EDN1: variants seen among roughly 807,000 people sequenced by gnomAD.
The protein encoded by EDN1 is endothelin-1.
A neutral mutation model predicts 21.7 loss-of-function variants in EDN1; 11 were observed. That is an observed-to-expected ratio of 0.51 (90% CI 0.32 to 0.84). EDN1 has a LOEUF of 0.84. Ranked by LOEUF, EDN1 falls within the 40% of genes least tolerant of loss-of-function variation. The pLI, the probability that EDN1 is intolerant of heterozygous loss-of-function variation, is 0.03. For missense variants in EDN1, 244 were observed against 262.3 expected (o/e 0.93, Z 0.48); for synonymous variants, 85 against 90.6 (o/e 0.94, Z 0.35).
intron 1 of EDN1, among the ~76,000 whole-genome samples, chr6:12,291,193 A>G (rs1388265236): frequency 6.6e-6 from 1 of 151,616 alleles, no homozygotes; most frequent in African/African-American, 2.4e-5. Flanking sequence ...CTGCAGAGCA[A>G]AAGTCTGTTG....
the EDN1 span, among the ~76,000 whole-genome samples, chr6:12,268,674 G>A: frequency 6.6e-5 from 10 of 152,162 alleles, no homozygotes; most frequent in Non-Finnish European, 1.3e-4. Flanking sequence ...ATTGGTCTAT[G>A]TGTCTATTTT....
the EDN1 span, among the ~76,000 whole-genome samples, chr6:12,273,556 G>T: frequency 6.7e-6 from 1 of 149,366 alleles, no homozygotes; most frequent in Non-Finnish European, 1.5e-5. Flanking sequence ...CCTTTTAAAA[G>T]GATATATTTA....
chr6:12,281,679 G>T, the EDN1 span, among the ~76,000 whole-genome samples: 1 of 152,110 alleles, frequency 6.6e-6, no homozygotes, highest in Non-Finnish European at 1.5e-5. Flanking sequence ...TCATAATTTG[G>T]AGTTCTGGCT....
chr6:12,234,337 C>T, the EDN1 span, among the ~76,000 whole-genome samples: 1 of 152,228 alleles, frequency 6.6e-6, no homozygotes, highest in Non-Finnish European at 1.5e-5. Context: ...TCTGCTGCTT[C>T]TCTGGGTTCT....
At chr6:12,231,215 G>A in the EDN1 span, among the ~76,000 whole-genome samples, 2 of 152,158 alleles carry the variant, frequency 1.3e-5, no homozygotes, top group Non-Finnish European at 2.9e-5. Context: ...GCCAGGAGTG[G>A]GTGATTGAAC....
the EDN1 span, among the ~76,000 whole-genome samples, chr6:12,248,034 CT>C: frequency 6.6e-6 from 1 of 152,074 alleles, no homozygotes; most frequent in South Asian, 2.1e-4. Flanking sequence ...GATACTAGAT[CT>C]CTCTTTCTCC....
At chr6:12,278,653 A>G in the EDN1 span, among the ~76,000 whole-genome samples, 4 of 152,168 alleles carry the variant, frequency 2.6e-5, no homozygotes, top group Admixed American at 2.6e-4. Context: ...GCACTTTCGG[A>G]GGCCGAGGCG....
In EDN1 at chr6:12,296,054, G is replaced by A. The variant is rs777403291; in HGVS notation, c.626G>A (p.Arg209Gln). 8.7e-6 allele frequency: 14 copies of A among 1,613,884 alleles called. No homozygotes were observed. Among genetic ancestry groups the A allele is most frequent in the African/African-American group, 2.7e-5 (2 of 75,004 alleles). The change falls in exon 5 of 5, where the codon CGA (arginine) becomes CAA (glutamine). Residue 209 changes from arginine (R) to glutamine (Q), a missense_variant. Physicochemically the swap from Arg to Gln is conservative, Grantham distance 43. Transcript: ENST00000379375. ...PSRERYVTHN[R>Q]AHW ...AGAGAGCGTTATGTGACCCACAACC[G>A]AGCACATTGGTGACAGACCTTCGGG...
the EDN1 span, among the ~76,000 whole-genome samples, chr6:12,238,149 G>A: frequency 6.8e-6 from 1 of 146,032 alleles, no homozygotes; most frequent in African/African-American, 2.5e-5. Flanking sequence ...TCCAGCCTGG[G>A]TGACAGGGCA....
At chr6:12,279,631 T>C in the EDN1 span, among the ~76,000 whole-genome samples, 1 of 152,204 alleles carries the variant, frequency 6.6e-6, no homozygotes, top group Non-Finnish European at 1.5e-5. Flanking sequence ...TTTTGCATGC[T>C]CTTGTCCCGC....
chr6:12,259,680 C>T, the EDN1 span, among the ~76,000 whole-genome samples: 129,736 of 151,738 alleles, frequency 0.85, 55,639 homozygotes, highest in East Asian at 1. Flanking sequence ...TAAAATGGTA[C>T]GATTTTACTG....
the EDN1 span, among the ~76,000 whole-genome samples, chr6:12,243,643 G>A: frequency 6.6e-6 from 1 of 152,134 alleles, no homozygotes. Context: ...TACATAAAAT[G>A]AATGTGAGAA....
At chr6:12,264,627 A>T in the EDN1 span, among the ~76,000 whole-genome samples, 4 of 152,174 alleles carry the variant, frequency 2.6e-5, no homozygotes, top group African/African-American at 9.7e-5. Context: ...AGCTAAAAAA[A>T]ATTGCAAAAA....
chr6:12,256,666 G>C, the EDN1 span, among the ~76,000 whole-genome samples: 1 of 152,124 alleles, frequency 6.6e-6, no homozygotes, highest in Non-Finnish European at 1.5e-5. Context: ...TGCTGGCTGA[G>C]GTTTTCTTGG....
chr6:12,288,686 C>T (rs1416078404), upstream of EDN1, among the ~76,000 whole-genome samples: 3 of 152,204 alleles, frequency 2.0e-5, no homozygotes, highest in Non-Finnish European at 4.4e-5. Flanking sequence ...GCCACTGTCC[C>T]TGTTCCCCCA....
chr6:12,291,224 C>G lies in EDN1; in HGVS notation c.64+531C>G, dbSNP rs867088123. Among the ~76,000 whole-genome samples, 118 of 100,940 alleles carry G rather than the reference C, an allele frequency of 1.2e-3. 3 individuals carry two copies. The highest frequency in any genetic ancestry group is 2.0e-3 in the African/African-American group (68 of 34,420). 66.2% of individuals were successfully genotyped at this position (100,940 alleles called of 152,430 possible). A position where few individuals can be genotyped will look rare whatever the true frequency, so the allele number is the denominator to read the frequency against. On this transcript the variant is annotated intron_variant, in intron 1 of 4. Coordinates refer to ENST00000379375, the MANE Select transcript of EDN1 (RefSeq NM_001955.5). ...TGTTGACTAACTACCGCCTCCCCCC[C>G]CCCCCGCCACCACCCCCCGCAGGCG...
At chr6:12,253,834 T>C in the EDN1 span, among the ~76,000 whole-genome samples, 1 of 152,174 alleles carries the variant, frequency 6.6e-6, no homozygotes, top group Non-Finnish European at 1.5e-5. Context: ...CTGGGCATCA[T>C]TCTTTACTCC....
chr6:12,290,149 T>C (rs769017578), upstream of EDN1, among the ~76,000 whole-genome samples: 7 of 152,216 alleles, frequency 4.6e-5, no homozygotes, highest in Non-Finnish European at 8.8e-5. Flanking sequence ...TTTCTTTTTC[T>C]TAGCCCTGCC....
the EDN1 span, among the ~76,000 whole-genome samples, chr6:12,273,877 A>T: frequency 6.6e-6 from 1 of 152,166 alleles, no homozygotes; most frequent in Non-Finnish European, 1.5e-5. Flanking sequence ...AGAGCCATTG[A>T]CCTTAATGGG....
Sources: allele counts gnomAD v4.1 joint callset (sites outside exome capture counted in the v4.1 genomes callset), GRCh38; gene constraint gnomAD v4.1.1; transcripts MANE v1.5; gene names NCBI Gene and HGNC (gene_info 2026-07-23, HGNC 2026-07-21).